The following PTPN4 variants were observed in gnomAD, a reference collection of about 807,000 sequenced individuals.
PTPN4 encodes protein tyrosine phosphatase non-receptor type 4, also known as tyrosine-protein phosphatase non-receptor type 4.
A neutral mutation model predicts 135.5 loss-of-function variants in PTPN4; 49 were observed. The ratio of observed to expected loss-of-function variants is 0.36; its 90% CI spans 0.29 to 0.46. The LOEUF is 0.46. Ranked by LOEUF, PTPN4 falls within the 20% of genes least tolerant of loss-of-function variation. PTPN4 has a pLI of 1.00. For missense variants in PTPN4, 860 were observed against 1,101.0 expected, an observed-to-expected ratio of 0.78 and a Z score of 3.10; for synonymous variants, 333 against 369.9, an observed-to-expected ratio of 0.90 and a Z score of 1.14.
rs1679722539 is a variant in PTPN4 at position 119,983,360 on chromosome 2, A to G, written c.*6290A>G. Reference sequence around the variant, plus strand: ...GGCAGTTGGGTACTTCCCCACTGTCATCACAGTTGAGCTCATTTTAACATA... The same window carrying G: ...GGCAGTTGGGTACTTCCCCACTGTCGTCACAGTTGAGCTCATTTTAACATA... On this transcript the variant is annotated 3_prime_UTR_variant, in exon 27 of 27. Coordinates refer to ENST00000263708, the MANE Select transcript of PTPN4 (RefSeq NM_002830.4). 2 of 152,332 alleles carry G rather than the reference A, an allele frequency of 1.3e-5. No individual in the cohort carries two copies. The highest frequency in any genetic ancestry group is 4.1e-4 in the South Asian group (2 of 4,826). The allele number at this position is 152,332 out of a possible 1,614,324, so 9.4% of individuals were successfully genotyped here.
In PTPN4 at chr2:119,965,074, A is replaced by G. The variant is rs137992500; in HGVS notation, c.2410-423A>G. 7.0e-4 allele frequency among the ~76,000 whole-genome samples: 106 copies of G among 152,182 alleles called. 3 individuals carry two copies. In the South Asian group the frequency reaches 0.015, roughly 21 times the overall value. On this transcript the variant is annotated intron_variant, in intron 24 of 26. Coordinates refer to ENST00000263708, the MANE Select transcript of PTPN4 (RefSeq NM_002830.4). Reference sequence around the variant, plus strand: ...GAGAGCAAGGGGCTGGGAAGTTAAGATCGTTGATTGGTTGGGATAAGGTGG... The same window carrying G: ...GAGAGCAAGGGGCTGGGAAGTTAAGGTCGTTGATTGGTTGGGATAAGGTGG...
chr2:119,957,422 T>C (rs72840428), intron 22 of PTPN4, among the ~76,000 whole-genome samples: 7,516 of 152,150 alleles, frequency 0.049, 293 homozygotes, highest in African/African-American at 0.1. Context: ...GACCAGTAAT[T>C]GTCTAGGTTG....
intron 11 of PTPN4, among the ~76,000 whole-genome samples, chr2:119,918,777 A>G (rs545559454): frequency 1.3e-5 from 2 of 152,388 alleles, no homozygotes. Flanking sequence ...ACCAGAGAAC[A>G]TACAGGAATA....
At chr2:119,904,443 A>G (rs1678455408) in intron 10 of PTPN4, among the ~76,000 whole-genome samples, 1 of 152,184 alleles carries the variant, frequency 6.6e-6, no homozygotes, top group Admixed American at 6.5e-5. Flanking sequence ...TGAAAATTTC[A>G]GAAGAGTTGG....
intron 12 of PTPN4, among the ~76,000 whole-genome samples, chr2:119,920,501 T>C (rs1180681063): frequency 1.3e-5 from 2 of 152,226 alleles, no homozygotes; most frequent in African/African-American, 4.8e-5. Context: ...CATTTACTTA[T>C]TTACAATAAA....
chr2:119,940,233 T>C (rs535195568), intron 15 of PTPN4, among the ~76,000 whole-genome samples: 26 of 152,284 alleles, frequency 1.7e-4, no homozygotes, highest in South Asian at 2.1e-4. Context: ...TGTGCGTTAA[T>C]TGGTAATCAA....
Position 119,793,846 on chromosome 2 carries a change from G to GTTTTTTTTTTT in PTPN4, c.-17-15972_-17-15962dup, listed in dbSNP as rs55956611. 4.8e-4 allele frequency among the ~76,000 whole-genome samples: 12 copies of GTTTTTTTTTTT among 24,800 alleles called. 1 individual carries two copies. Among genetic ancestry groups the GTTTTTTTTTTT allele is most frequent in the African/African-American group, 1.1e-3 (6 of 5,410 alleles). 16.3% of individuals were successfully genotyped at this position (24,800 alleles called of 152,430 possible). A position where few individuals can be genotyped will look rare whatever the true frequency, so the allele number is the denominator to read the frequency against. On this transcript the variant is annotated intron_variant, in intron 1 of 26. Transcript: ENST00000263708. Reference sequence around the variant, plus strand: ...AGTTTGTTTATTTGTTTCATTTTTAGTTTTTTTTTTTTTTTTTTTTTTTTT... The same window carrying GTTTTTTTTTTT: ...AGTTTGTTTATTTGTTTCATTTTTAGTTTTTTTTTTTTTTTTTTTTTTTTTTTTTTTTTTTT...
At chr2:119,941,435 G>GTGTGTGTA (rs1251587034) in intron 15 of PTPN4, among the ~76,000 whole-genome samples, 3 of 151,782 alleles carry the variant, frequency 2.0e-5, no homozygotes, top group Non-Finnish European at 2.9e-5. Flanking sequence ...GTGTGTGTGT[G>GTGTGTGTA]TGTATAGAGT....
intron 25 of PTPN4, among the ~76,000 whole-genome samples, chr2:119,967,008 C>G (rs548073920): frequency 6.6e-6 from 1 of 152,350 alleles, no homozygotes; most frequent in African/African-American, 2.4e-5. Context: ...ATCTTCAAAA[C>G]AGATTATAGA....
At chr2:119,780,598 T>C (rs1488042553) in intron 1 of PTPN4, among the ~76,000 whole-genome samples, 2 of 152,236 alleles carry the variant, frequency 1.3e-5, no homozygotes, top group Non-Finnish European at 2.9e-5. Context: ...TGTCTCATTG[T>C]TTTAGTTTTA....
chr2:119,794,405 G>T (rs949995613), intron 1 of PTPN4, among the ~76,000 whole-genome samples: 12 of 152,098 alleles, frequency 7.9e-5, no homozygotes, highest in African/African-American at 2.7e-4. Context: ...AGCCAGATGT[G>T]GAGCAGCAAG....
At chr2:119,879,233 A>C (rs761449076) in intron 5 of PTPN4, among the ~76,000 whole-genome samples, 5 of 152,206 alleles carry the variant, frequency 3.3e-5, no homozygotes, top group Non-Finnish European at 5.9e-5. Context: ...TGAATTTCTG[A>C]ATGGAGGTAG....
At chr2:119,801,728 A>G (rs1280454538) in intron 1 of PTPN4, among the ~76,000 whole-genome samples, 3 of 152,028 alleles carry the variant, frequency 2.0e-5, no homozygotes, top group African/African-American at 4.8e-5. Context: ...AATAAAACTG[A>G]TTTTTGTATG....
intron 9 of PTPN4, among the ~76,000 whole-genome samples, chr2:119,895,289 G>A (rs929777706): frequency 1.3e-5 from 2 of 152,164 alleles, no homozygotes; most frequent in African/African-American, 2.4e-5. Context: ...GAGTGGGTTT[G>A]CGTTATCGTA....
intron 10 of PTPN4, among the ~76,000 whole-genome samples, chr2:119,903,024 CA>C (rs1326153546): frequency 6.6e-6 from 1 of 152,188 alleles, no homozygotes; most frequent in Admixed American, 6.5e-5. Context: ...TCCATGTCCA[CA>C]CAGAGGGCTG....
intron 3 of PTPN4, among the ~76,000 whole-genome samples, chr2:119,867,362 C>T (rs1388542140): frequency 1.3e-5 from 2 of 152,048 alleles, no homozygotes; most frequent in South Asian, 2.1e-4. Context: ...AAGATGAGTG[C>T]TAGAGATAAT....
chr2:119,946,667 A>G (rs997240495), intron 18 of PTPN4, 93 bp downstream of exon 18: 1 of 1,035,932 alleles, frequency 9.7e-7, no homozygotes, highest in Admixed American at 2.5e-5. Flanking sequence ...AAGGAATTTC[A>G]TCATTTCTTT....
intron 1 of PTPN4, among the ~76,000 whole-genome samples, chr2:119,780,495 A>G (rs1434846989): frequency 6.6e-6 from 1 of 152,192 alleles, no homozygotes; most frequent in Admixed American, 6.5e-5. Flanking sequence ...ATCTTTTTAA[A>G]TCTACAACGC....
chr2:119,768,084 C>T (rs1329025220), intron 1 of PTPN4, among the ~76,000 whole-genome samples: 1 of 152,184 alleles, frequency 6.6e-6, no homozygotes, highest in Non-Finnish European at 1.5e-5. Flanking sequence ...CTTCTCCATA[C>T]ATTTATTTAT....
Sources: gnomAD v4.1 joint callset for allele counts (sites outside exome capture counted in the v4.1 genomes callset) on GRCh38, gnomAD v4.1.1 for gene constraint, MANE v1.5 for transcripts, NCBI Gene and HGNC (gene_info 2026-07-23, HGNC 2026-07-21) for gene names.